Variants in STK32A observed in about 807,000 individuals in gnomAD.
STK32A encodes serine/threonine-protein kinase 32A.
Under a neutral mutation model 53.2 loss-of-function variants are expected in STK32A, and 41 were observed. The ratio of observed to expected loss-of-function variants is 0.77; its 90% CI spans 0.60 to 1.00. STK32A has a LOEUF of 1.00. STK32A is among the 50% of genes least tolerant of loss of function. STK32A has a pLI of 0.00. For synonymous variants in STK32A, 166 were observed against 162.8 expected, an observed-to-expected ratio of 1.02 and a Z score of -0.15; for missense variants, 458 against 485.8, an observed-to-expected ratio of 0.94 and a Z score of 0.54.
intron 2 of STK32A, among the ~76,000 whole-genome samples, chr5:147,260,157 C>T (rs1230613706): frequency 3.1e-5 from 2 of 63,962 alleles, no homozygotes; most frequent in Non-Finnish European, 6.1e-5. Context: ...TGTCTCTCTC[C>T]TCTCTGTCTC....
rs1238796420 is a variant in STK32A at position 147,363,400 on chromosome 5, C to T, written c.660+1786C>T. On this transcript the variant is annotated intron_variant, in intron 8 of 12. Transcript: ENST00000397936. Reference sequence around the variant, plus strand: ...TTGCTTAAGTGGCTCTCTACAAAGGCACTACCCACATGGCTCTCTGTGAAG... The same window carrying T: ...TTGCTTAAGTGGCTCTCTACAAAGGTACTACCCACATGGCTCTCTGTGAAG... Among the ~76,000 whole-genome samples the T allele has an allele frequency of 1.4e-4, 22 of 152,120 alleles. 1 individual carries two copies. The highest frequency in any genetic ancestry group is 1.4e-3 in the Admixed American group (22 of 15,272).
At chr5:147,337,010 T>A (rs1434082850) in intron 5 of STK32A, among the ~76,000 whole-genome samples, 12 of 152,178 alleles carry the variant, frequency 7.9e-5, no homozygotes, top group Non-Finnish European at 1.2e-4. Flanking sequence ...GGTATAGGAT[T>A]GCAGGGTGAG....
intron 4 of STK32A, among the ~76,000 whole-genome samples, chr5:147,321,601 A>G (rs540417117): frequency 6.6e-6 from 1 of 152,228 alleles, no homozygotes; most frequent in African/African-American, 2.4e-5. Flanking sequence ...TGGCACCTTT[A>G]TCACTTTGTT....
the STK32A span, among the ~76,000 whole-genome samples, chr5:147,395,374 A>C: frequency 6.6e-6 from 1 of 152,132 alleles, no homozygotes. Flanking sequence ...TTACTTTCTT[A>C]CCAGGACCCC....
Position 147,361,505 on chromosome 5 carries a change from C to T in STK32A, c.563-12C>T, listed in dbSNP as rs555838402. 1.4e-4 allele frequency: 223 copies of T among 1,591,336 alleles called. 1 individual carries two copies. In the South Asian group the frequency reaches 2.1e-3, roughly 15 times the overall value. On this transcript the variant is annotated splice_polypyrimidine_tract_variant and intron_variant, in intron 7 of 12. Transcript: ENST00000397936. ...AGGGAATCAAACTGGTTTAATTTTT[C>T]GTGTTTTTCAGCACCTGAGATGTTC...
chr5:147,350,656 C>T (rs1047003146), intron 6 of STK32A, among the ~76,000 whole-genome samples: 3 of 152,080 alleles, frequency 2.0e-5, no homozygotes, highest in African/African-American at 7.2e-5. Context: ...GGGTGAGCCA[C>T]CACGCCCAGC....
rs71274369 is a variant in STK32A, at chr5:147,372,269, C to CTTTTTT, written c.778-875_778-870dup. ...GGGGCCCAAGAGGAATGGGCTTGGC[C>CTTTTTT]TTTTTTTTTTTTTTTTTTTTTTTTT... is the stretch of plus-strand genomic sequence containing the variant. On this transcript the variant is annotated intron_variant, in intron 9 of 12. Coordinates refer to ENST00000397936, the MANE Select transcript of STK32A (RefSeq NM_001112724.2). Among the ~76,000 whole-genome samples the CTTTTTT allele has an allele frequency of 3.6e-4, 18 of 49,352 alleles. 2 individuals carry two copies. Among genetic ancestry groups the CTTTTTT allele is most frequent in the African/African-American group, 8.1e-4 (10 of 12,308 alleles). 32.4% of individuals were successfully genotyped at this position (49,352 alleles called of 152,430 possible). A position where few individuals can be genotyped will look rare whatever the true frequency, so the allele number is the denominator to read the frequency against.
At chr5:147,246,018 T>C (rs1250041011) in intron 2 of STK32A, among the ~76,000 whole-genome samples, 1 of 152,208 alleles carries the variant, frequency 6.6e-6, no homozygotes, top group Non-Finnish European at 1.5e-5. Flanking sequence ...TATTTGACTG[T>C]CTATCATGGT....
intron 12 of STK32A, 133 bp downstream of exon 12, chr5:147,383,638 A>G (rs955716940): frequency 2.8e-5 from 24 of 851,318 alleles, no homozygotes; most frequent in Non-Finnish European, 3.7e-5. Context: ...AATCTATTAT[A>G]GAAAATGTAG....
At chr5:147,312,265 A>C (rs749245924) in intron 4 of STK32A, among the ~76,000 whole-genome samples, 1 of 149,972 alleles carries the variant, frequency 6.7e-6, no homozygotes, top group Non-Finnish European at 1.5e-5. Flanking sequence ...ATGCCCAGCT[A>C]ATTTTTTTTT....
the STK32A span, among the ~76,000 whole-genome samples, chr5:147,395,226 A>G: frequency 6.6e-6 from 1 of 152,244 alleles, no homozygotes; most frequent in Non-Finnish European, 1.5e-5. Flanking sequence ...TATGTTGCAT[A>G]GCGCTCATAG....
chr5:147,269,466 G>T (rs1435555453), intron 2 of STK32A, among the ~76,000 whole-genome samples: 2 of 152,170 alleles, frequency 1.3e-5, no homozygotes, highest in Non-Finnish European at 2.9e-5. Flanking sequence ...CTCTGGACTG[G>T]AAAGCAGAAG....
chr5:147,251,165 G>A (rs1561668299), intron 2 of STK32A, among the ~76,000 whole-genome samples: 1 of 152,106 alleles, frequency 6.6e-6, no homozygotes, highest in Non-Finnish European at 1.5e-5. Flanking sequence ...CATGGAGCAG[G>A]CTAGACGCAC....
At chr5:147,258,470 C>T (rs957455938) in intron 2 of STK32A, among the ~76,000 whole-genome samples, 7 of 152,154 alleles carry the variant, frequency 4.6e-5, no homozygotes, top group African/African-American at 1.4e-4. Flanking sequence ...AATAGCTTTA[C>T]ATTCAGGAGG....
intron 8 of STK32A, among the ~76,000 whole-genome samples, chr5:147,367,360 C>A (rs1451223082): frequency 6.6e-6 from 1 of 152,144 alleles, no homozygotes; most frequent in Non-Finnish European, 1.5e-5. Context: ...GCCGCCGCAC[C>A]TGGTCACAAT....
chr5:147,301,254 G>T (rs749499216), intron 4 of STK32A, among the ~76,000 whole-genome samples: 4 of 151,800 alleles, frequency 2.6e-5, no homozygotes, highest in Admixed American at 6.6e-5. Context: ...TCTGATCATG[G>T]GGAGGTCCTC....
At chr5:147,281,635 T>A (rs1411292884) in intron 4 of STK32A, among the ~76,000 whole-genome samples, 3 of 151,752 alleles carry the variant, frequency 2.0e-5, no homozygotes, top group African/African-American at 7.3e-5. Context: ...CTAAGAATAA[T>A]GGGTGTCCCT....
chr5:147,400,009 C>T, the STK32A span, among the ~76,000 whole-genome samples: 1 of 152,280 alleles, frequency 6.6e-6, no homozygotes, highest in African/African-American at 2.4e-5. Flanking sequence ...TGAAATTACA[C>T]TGTGTAGATT....
At chr5:147,248,925 T>TA (rs34996378) in intron 2 of STK32A, among the ~76,000 whole-genome samples, 25,146 of 151,772 alleles carry the variant, frequency 0.17, 2,259 homozygotes, top group Admixed American at 0.24. Context: ...GATGAAGTAA[T>TA]TTTTTTTTAT....
Sources: allele counts gnomAD v4.1 joint callset (sites outside exome capture counted in the v4.1 genomes callset), GRCh38; gene constraint gnomAD v4.1.1; transcripts MANE v1.5; gene names NCBI Gene and HGNC (gene_info 2026-07-23, HGNC 2026-07-21).